Variants in PREX2 observed in about 807,000 individuals in gnomAD.
PREX2 encodes the protein phosphatidylinositol-3,4,5-trisphosphate dependent Rac exchange factor 2, also known as phosphatidylinositol 3,4,5-trisphosphate-dependent Rac exchanger 2 protein.
In PREX2, 107 loss-of-function variants were observed where a neutral mutation model predicts 203.2. The observed-to-expected ratio is 0.53, with a 90% CI of 0.45 to 0.62. PREX2 has a LOEUF of 0.62. Ranked by LOEUF, PREX2 falls within the 20% of genes least tolerant of loss-of-function variation. The pLI is 0.00. For missense variants in PREX2, 1,777 were observed against 1,955.9 expected (o/e 0.91, Z 1.72); for synonymous variants, 672 against 663.6 (o/e 1.01, Z -0.19).
intron 35 of PREX2, among the ~76,000 whole-genome samples, chr8:68,170,002 G>A (rs2129614196): frequency 6.6e-6 from 1 of 152,312 alleles, no homozygotes; most frequent in East Asian, 1.9e-4. Context: ...TTCAGAGGAG[G>A]TGGTTAAGGA....
chr8:68,068,800 G>T (rs576531260), intron 11 of PREX2, among the ~76,000 whole-genome samples: 3 of 151,396 alleles, frequency 2.0e-5, no homozygotes, highest in Admixed American at 1.3e-4. Context: ...TGTTGCAAAC[G>T]TCAGTTTATT....
intron 11 of PREX2, among the ~76,000 whole-genome samples, chr8:68,067,814 C>T (rs1420801894): frequency 6.6e-6 from 1 of 151,990 alleles, no homozygotes; most frequent in Non-Finnish European, 1.5e-5. Context: ...AAGCTTTCAG[C>T]TTTTGACCAT....
intron 6 of PREX2, among the ~76,000 whole-genome samples, chr8:68,036,108 A>G (rs1585725392): frequency 6.6e-6 from 1 of 152,152 alleles, no homozygotes; most frequent in Non-Finnish European, 1.5e-5. Flanking sequence ...TGCCTTAGAT[A>G]GAATAGGTCT....
At chr8:68,058,299 T>A (rs906167174) in intron 10 of PREX2, among the ~76,000 whole-genome samples, 2 of 152,214 alleles carry the variant, frequency 1.3e-5, no homozygotes, top group Admixed American at 6.5e-5. Context: ...TAGAGAATTA[T>A]GTCTTAGTTA....
chr8:68,213,004 G>A (rs963422356), intron 37 of PREX2, among the ~76,000 whole-genome samples: 17 of 152,196 alleles, frequency 1.1e-4, no homozygotes, highest in Admixed American at 6.5e-4. Flanking sequence ...GGATATGGAC[G>A]TATTACATCA....
intron 1 of PREX2, among the ~76,000 whole-genome samples, chr8:67,962,483 G>A (rs1436133555): frequency 6.6e-6 from 1 of 151,784 alleles, no homozygotes; most frequent in Non-Finnish European, 1.5e-5. Flanking sequence ...ATTATTTTAA[G>A]AATTCATTAT....
At chr8:68,204,250 C>T (rs1009436251) in intron 37 of PREX2, among the ~76,000 whole-genome samples, 4 of 152,140 alleles carry the variant, frequency 2.6e-5, no homozygotes, top group Non-Finnish European at 4.4e-5. Context: ...CCCTAATCAC[C>T]TCTATGCTAA....
chr8:68,218,862 A>G (rs2129615349), intron 38 of PREX2, among the ~76,000 whole-genome samples: 1 of 152,320 alleles, frequency 6.6e-6, no homozygotes, highest in African/African-American at 2.4e-5. Context: ...TTTGTTAAGT[A>G]AAGTTTAGAG....
chr8:67,990,687 A>G (rs1806572805), intron 1 of PREX2, among the ~76,000 whole-genome samples: 1 of 151,714 alleles, frequency 6.6e-6, no homozygotes, highest in Admixed American at 6.6e-5. Context: ...ATTTTATAGT[A>G]TTTTTAGTAG....
intron 35 of PREX2, among the ~76,000 whole-genome samples, chr8:68,168,354 C>G (rs937700401): frequency 3.3e-5 from 5 of 152,168 alleles, no homozygotes; most frequent in Admixed American, 1.3e-4. Context: ...AATATATACT[C>G]ATATCAAACA....
chr8:68,106,982 G>A (rs1451530898), intron 23 of PREX2, among the ~76,000 whole-genome samples: 2 of 152,098 alleles, frequency 1.3e-5, no homozygotes, highest in African/African-American at 2.4e-5. Flanking sequence ...CTACAATTCA[G>A]TCTAACTCTA....
intron 35 of PREX2, among the ~76,000 whole-genome samples, chr8:68,168,176 G>A (rs747298949): frequency 3.3e-5 from 5 of 152,078 alleles, no homozygotes; most frequent in African/African-American, 9.7e-5. Flanking sequence ...CATGTACTAC[G>A]TTTATCTTGG....
chr8:68,125,872 A>G (rs1032848229), intron 30 of PREX2, among the ~76,000 whole-genome samples: 2 of 152,030 alleles, frequency 1.3e-5, no homozygotes, highest in Non-Finnish European at 2.9e-5. Context: ...AGTAATTACA[A>G]TGATTTTTCT....
chr8:68,064,132 T>C (rs939690665), intron 11 of PREX2, among the ~76,000 whole-genome samples: 8 of 152,156 alleles, frequency 5.3e-5, no homozygotes, highest in Admixed American at 1.3e-4. Context: ...GCTGACAATA[T>C]ACATGTTGTC....
chr8:67,970,630 C>T (rs1477789811), intron 1 of PREX2, among the ~76,000 whole-genome samples: 1 of 152,296 alleles, frequency 6.6e-6, no homozygotes, highest in South Asian at 2.1e-4. Flanking sequence ...GCTACAGACT[C>T]ATGTTTTCTT....
At chr8:68,175,398 C>T (rs376719848) in intron 35 of PREX2, among the ~76,000 whole-genome samples, 169 of 151,948 alleles carry the variant, frequency 1.1e-3, no homozygotes, top group African/African-American at 3.1e-3. Context: ...TGGGGCAGGC[C>T]GGGGTCGGAG....
chr8:68,042,142 A>G (rs1354774316), intron 7 of PREX2, among the ~76,000 whole-genome samples: 2 of 152,016 alleles, frequency 1.3e-5, no homozygotes, highest in Non-Finnish European at 1.5e-5. Context: ...AGATATAGAG[A>G]TCTTTCAGAA....
At chr8:68,055,103 C>T (rs1054885421) in intron 9 of PREX2, among the ~76,000 whole-genome samples, 5 of 152,162 alleles carry the variant, frequency 3.3e-5, no homozygotes, top group African/African-American at 7.2e-5. Context: ...GTTTGTTCCC[C>T]GCACTGTCCT....
At chr8:67,985,482 C>T (rs1467374614) in intron 1 of PREX2, among the ~76,000 whole-genome samples, 13 of 152,028 alleles carry the variant, frequency 8.6e-5, no homozygotes, top group African/African-American at 2.9e-4. Flanking sequence ...TTTTAAAAAC[C>T]TAATGAAATA....
Sources: gnomAD v4.1 joint callset for allele counts (sites outside exome capture counted in the v4.1 genomes callset) on GRCh38, gnomAD v4.1.1 for gene constraint, MANE v1.5 for transcripts, NCBI Gene and HGNC (gene_info 2026-07-23, HGNC 2026-07-21) for gene names.